SRP54: variants seen among roughly 807,000 people sequenced by gnomAD.
SRP54 encodes signal recognition particle subunit SRP54.
SRP54 carries 10 observed loss-of-function variants against 64.8 expected under a neutral mutation model. The observed-to-expected ratio is 0.15, with a 90% CI of 0.10 to 0.26. The LOEUF (loss-of-function observed/expected upper bound fraction) is 0.26, where lower values mean the gene tolerates loss of function less well. SRP54 is among the 10% of genes least tolerant of loss of function. SRP54 has a pLI of 1.00. For missense variants in SRP54, 325 were observed against 613.7 expected (o/e 0.53, Z 4.97); for synonymous variants, 193 against 185.6 (o/e 1.04, Z -0.32).
chr14:35,021,271 A>AG (rs1262070177), intron 13 of SRP54, among the ~76,000 whole-genome samples: 1 of 152,180 alleles, frequency 6.6e-6, no homozygotes, highest in Non-Finnish European at 1.5e-5. Flanking sequence ...AAACCATGTT[A>AG]GAAGAGTCAG....
At chr14:34,997,296 A>G (rs1202813388) in intron 2 of SRP54, among the ~76,000 whole-genome samples, 1 of 152,146 alleles carries the variant, frequency 6.6e-6, no homozygotes, top group African/African-American at 2.4e-5. Context: ...GATGATATTA[A>G]AATACTTTTC....
chr14:34,991,109 C>CTTTTTTTTTTTTTTTTTTTTTT (rs71435838), intron 1 of SRP54, among the ~76,000 whole-genome samples: 5 of 111,084 alleles, frequency 4.5e-5, no homozygotes, highest in Admixed American at 9.5e-5. Context: ...AATTTCTTTT[C>CTTTTTTTTTTTTTTTTTTTTTT]TTTTTTTTTT....
At chr14:34,999,835 G>T (rs753388838) in intron 3 of SRP54, 186 bp downstream of exon 3, 1 of 423,832 alleles carries the variant, frequency 2.4e-6, no homozygotes, top group Non-Finnish European at 4.3e-6. Context: ...ATGGTTCAAA[G>T]AATAAACTAC....
intron 14 of SRP54, among the ~76,000 whole-genome samples, chr14:35,023,787 AACACACACACACACAC>A (rs57037784): frequency 6.4e-5 from 9 of 140,370 alleles, no homozygotes; most frequent in Admixed American, 1.5e-4. Context: ...CCGGTCCCCA[AACACACACACACACAC>A]ACACACACAC....
chr14:34,987,284 TATACAC>T (rs1220949759), intron 1 of SRP54, among the ~76,000 whole-genome samples: 3 of 127,160 alleles, frequency 2.4e-5, no homozygotes, highest in African/African-American at 2.7e-5. Flanking sequence ...TGTATATATA[TATACAC>T]ACACACACAC....
chr14:35,026,064 A>C (rs530714596), intron 14 of SRP54, among the ~76,000 whole-genome samples: 2 of 152,164 alleles, frequency 1.3e-5, no homozygotes, highest in African/African-American at 4.8e-5. Context: ...TCAAAAAAAA[A>C]AAAAAAAAAA....
rs114338944 is a variant in SRP54, at chr14:35,020,206, A to G, written c.1156+1132A>G. Among the ~76,000 whole-genome samples the G allele has an allele frequency of 5.6e-3, 859 of 152,194 alleles. 4 individuals carry two copies. Among genetic ancestry groups the G allele is most frequent in the Middle Eastern group, 0.017 (5 of 294 alleles). The stretch of plus-strand genomic sequence containing the variant: ...TCTCAAAAGAAAAAAATAAAAAAAT[A>G]TAGTTTATTGCTAAAAATGCTAATG... On this transcript the variant is annotated intron_variant, in intron 13 of 15. Transcript: ENST00000216774.
chr14:35,012,756 G>A (rs1346636658), intron 8 of SRP54, among the ~76,000 whole-genome samples: 4 of 151,810 alleles, frequency 2.6e-5, no homozygotes, highest in Non-Finnish European at 4.4e-5. Flanking sequence ...TCCCATTTTC[G>A]TTGTTATACA....
At chr14:35,012,339 T>C (rs1262343213) in intron 8 of SRP54, among the ~76,000 whole-genome samples, 5 of 152,200 alleles carry the variant, frequency 3.3e-5, no homozygotes, top group African/African-American at 9.6e-5. Context: ...TATCATTTTG[T>C]GTCTCTTTAA....
chr14:35,001,853 T>C (rs2138985539), intron 4 of SRP54, among the ~76,000 whole-genome samples: 1 of 152,064 alleles, frequency 6.6e-6, no homozygotes, highest in East Asian at 1.9e-4. Context: ...ATCTTAGAGC[T>C]TAAAAAATAT....
intron 7 of SRP54, among the ~76,000 whole-genome samples, chr14:35,011,095 T>G (rs1014576780): frequency 3.9e-5 from 6 of 152,090 alleles, no homozygotes; most frequent in Admixed American, 1.3e-4. Flanking sequence ...CCAGCTAGTT[T>G]TTTTTTTTTG....
intron 11 of SRP54, among the ~76,000 whole-genome samples, chr14:35,016,746 T>G (rs769425023): frequency 6.6e-6 from 1 of 152,162 alleles, no homozygotes; most frequent in Non-Finnish European, 1.5e-5. Flanking sequence ...ATGTTCACAG[T>G]ACCTAGCACA....
rs890985583 is a variant in SRP54 at position 35,019,216 on chromosome 14, C to T, written c.1156+142C>T. 45 of 604,402 alleles carry T rather than the reference C, an allele frequency of 7.4e-5. 1 individual carries two copies. The highest frequency in any genetic ancestry group is 9.2e-4 in the Middle Eastern group (2 of 2,172). The allele number at this position is 604,402 out of a possible 1,614,324, so 37.4% of individuals were successfully genotyped here. On this transcript the variant is annotated intron_variant, in intron 13 of 15. Transcript: ENST00000216774. ...AGGTAGATTTGTAATAGCTTGAAAGCTCTTACTCAAAGGGTTATGATTATT... is the reference window on the plus strand; with the variant it reads ...AGGTAGATTTGTAATAGCTTGAAAGTTCTTACTCAAAGGGTTATGATTATT...
intron 1 of SRP54, among the ~76,000 whole-genome samples, chr14:34,991,109 CTTTTT>C (rs71435838): frequency 1.1e-4 from 12 of 111,086 alleles, no homozygotes; most frequent in African/African-American, 1.3e-4. Context: ...AATTTCTTTT[CTTTTT>C]TTTTTTTTTT....
intron 3 of SRP54, among the ~76,000 whole-genome samples, chr14:35,000,648 G>A (rs1378601943): frequency 2.0e-5 from 3 of 151,970 alleles, no homozygotes; most frequent in Non-Finnish European, 2.9e-5. Context: ...TATATAAGCT[G>A]CAAGAAAAGT....
At chr14:34,993,946 C>T (rs141740391) in intron 1 of SRP54, among the ~76,000 whole-genome samples, 32 of 151,990 alleles carry the variant, frequency 2.1e-4, no homozygotes, top group Middle Eastern at 3.4e-3. Context: ...CCGCCTGCCT[C>T]GGCCTCCCAA....
chr14:35,005,555 A>G (rs2044243254), intron 4 of SRP54, among the ~76,000 whole-genome samples: 1 of 151,864 alleles, frequency 6.6e-6, no homozygotes, highest in South Asian at 2.1e-4. Context: ...GTGCCACCAC[A>G]CCTGGCCAAT....
At chr14:35,025,677 A>C (rs2044609650) in intron 14 of SRP54, among the ~76,000 whole-genome samples, 1 of 152,226 alleles carries the variant, frequency 6.6e-6, no homozygotes. Flanking sequence ...CTTAGGACAA[A>C]TCACTAATGA....
At chr14:34,987,064 C>T (rs2043906316) in intron 1 of SRP54, among the ~76,000 whole-genome samples, 1 of 150,976 alleles carries the variant, frequency 6.6e-6, no homozygotes, top group Non-Finnish European at 1.5e-5. Context: ...AACCCCATCT[C>T]TACTAAAAAT....
Sources: gnomAD v4.1 joint callset for allele counts (sites outside exome capture counted in the v4.1 genomes callset) on GRCh38, gnomAD v4.1.1 for gene constraint, MANE v1.5 for transcripts, NCBI Gene and HGNC (gene_info 2026-07-23, HGNC 2026-07-21) for gene names.